Variants in RAB11FIP3 observed in about 807,000 individuals in gnomAD.
RAB11FIP3 encodes rab11 family-interacting protein 3.
RAB11FIP3 carries 17 observed loss-of-function variants against 77.8 expected under a neutral mutation model. The ratio of observed to expected loss-of-function variants is 0.22; its 90% CI spans 0.15 to 0.33. The LOEUF is 0.33. RAB11FIP3 is among the 10% of genes least tolerant of loss of function. The pLI is 1.00. For synonymous variants in RAB11FIP3, 437 were observed against 448.2 expected (o/e 0.98, Z 0.31); for missense variants, 1,005 against 1,011.2 (o/e 0.99, Z 0.08).
intron 3 of RAB11FIP3, among the ~76,000 whole-genome samples, chr16:475,661 AGGGCATCCAGCCGGCCAG>A (rs1003060129): frequency 2.6e-5 from 4 of 152,172 alleles, no homozygotes; most frequent in African/African-American, 9.7e-5. Flanking sequence ...TGGAACCCCC[AGGGCATCCAGCCGGCCAG>A]GGGCTCTGAG....
Position 520,996 on chromosome 16 carries a change from G to A in RAB11FIP3, c.*157G>A, listed in dbSNP as rs961836276. The A allele has an allele frequency of 1.4e-5, 9 of 659,600 alleles. 1 individual carries two copies. Among genetic ancestry groups the A allele is most frequent in the South Asian group, 7.2e-5 (4 of 55,230 alleles). The allele number at this position is 659,600 out of a possible 1,614,324, so 40.9% of individuals were successfully genotyped here. A position where few individuals can be genotyped will look rare whatever the true frequency, so the allele number is the denominator to read the frequency against. ...AGCTGAGCTGGGGCCGCCAAAGACCGGGGCTGCCAAAGGGGCAGAGGGTGG... is the reference window on the plus strand; with the variant it reads ...AGCTGAGCTGGGGCCGCCAAAGACCAGGGCTGCCAAAGGGGCAGAGGGTGG... On this transcript the variant is annotated 3_prime_UTR_variant, in exon 14 of 14. Coordinates refer to ENST00000262305, the MANE Select transcript of RAB11FIP3 (RefSeq NM_014700.4).
chr16:482,476 G>A, intron 3 of RAB11FIP3, 49 bp from the exon 4 acceptor site: 2 of 1,574,322 alleles, frequency 1.3e-6, no homozygotes, highest in African/African-American at 1.3e-5. Context: ...GGCGTTCGCA[G>A]TTCCCCTCCC....
Position 514,322 on chromosome 16 carries a change from C to T in RAB11FIP3, c.1640+3522C>T, listed in dbSNP as rs1381818303. The stretch of plus-strand genomic sequence containing the variant: ...CTTCCCCAGCCTGGCCTCTGCCCAT[C>T]TGGTGTACAGGAAGACCCTGGTCAG... On this transcript the variant is annotated intron_variant, in intron 9 of 13. Transcript: ENST00000262305. This position sits in a 1 kb window ranked among gnomAD's most constrained non-coding sequence, Gnocchi z 4.6. Among the ~76,000 whole-genome samples the T allele has an allele frequency of 6.6e-6, 1 of 151,802 alleles. No individual in the cohort carries two copies. The highest frequency in any genetic ancestry group is 1.9e-4 in the East Asian group (1 of 5,202).
chr16:478,661 T>G (rs1020646143), intron 3 of RAB11FIP3, among the ~76,000 whole-genome samples: 5 of 152,198 alleles, frequency 3.3e-5, no homozygotes. Flanking sequence ...TCATTAAGGT[T>G]GAAATTATAA....
At chr16:427,745 A>G (rs1399438611) in intron 1 of RAB11FIP3, among the ~76,000 whole-genome samples, 1 of 152,204 alleles carries the variant, frequency 6.6e-6, no homozygotes, top group Non-Finnish European at 1.5e-5. Flanking sequence ...TTAAGCCAAG[A>G]GGTCTGTAAG....
intron 5 of RAB11FIP3, among the ~76,000 whole-genome samples, chr16:492,192 G>A (rs1033927610): frequency 6.6e-6 from 1 of 152,178 alleles, no homozygotes. Context: ...CATTTCCAGG[G>A]CACTTAACTC....
intron 2 of RAB11FIP3, among the ~76,000 whole-genome samples, chr16:468,004 A>T (rs1367962427): frequency 2.2e-4 from 7 of 31,958 alleles, no homozygotes; most frequent in Admixed American, 4.4e-4. Flanking sequence ...GAGGAGGTGC[A>T]GGGGCGTTGG....
intron 1 of RAB11FIP3, among the ~76,000 whole-genome samples, chr16:454,977 G>T (rs2055475440): frequency 6.6e-6 from 1 of 151,158 alleles, no homozygotes; most frequent in African/African-American, 2.4e-5. Flanking sequence ...TTGAACCCGG[G>T]AGGTGGAGGT....
chr16:440,089 C>T (rs897742382), intron 1 of RAB11FIP3, among the ~76,000 whole-genome samples: 2 of 152,016 alleles, frequency 1.3e-5, no homozygotes, highest in Admixed American at 6.6e-5. Flanking sequence ...ATCCGCCCCC[C>T]CCATCGGCCT....
intron 1 of RAB11FIP3, among the ~76,000 whole-genome samples, chr16:448,369 C>T (rs1016834670): frequency 6.6e-6 from 1 of 151,616 alleles, no homozygotes; most frequent in Non-Finnish European, 1.5e-5. Flanking sequence ...TTTGGGAGGC[C>T]GAGGTGGGCA....
At chr16:494,041 C>G (rs372927879) in intron 5 of RAB11FIP3, among the ~76,000 whole-genome samples, 1 of 113,836 alleles carries the variant, frequency 8.8e-6, no homozygotes, top group South Asian at 3.3e-4. Context: ...GTAGCTGGGA[C>G]TACAGGCGCC....
chr16:482,870 C>T, intron 4 of RAB11FIP3, 134 bp downstream of exon 4: 1 of 948,516 alleles, frequency 1.1e-6, no homozygotes, highest in Non-Finnish European at 1.6e-6. Flanking sequence ...GGGCTTGGCC[C>T]TGCAGTAGCT....
At chr16:510,390 C>G (rs1307528987) in intron 8 of RAB11FIP3, 1 of 420,676 alleles carries the variant, frequency 2.4e-6, no homozygotes, top group Admixed American at 4.0e-5. Context: ...AGGCCACAAG[C>G]GGGCAGTGCC....
rs2031935470 is a variant in RAB11FIP3 at position 507,595 on chromosome 16, T to C, written c.1499+1968T>C. The stretch of plus-strand genomic sequence containing the variant: ...GTGGAGGTTTCATTTGAGTCTGGAG[T>C]ATGTTCATCTGTTTTCCGTGTGTGT... On this transcript the variant is annotated intron_variant, in intron 8 of 13. Transcript: ENST00000262305. This position sits in a 1 kb window ranked among gnomAD's most constrained non-coding sequence, Gnocchi z 4.6. Among the ~76,000 whole-genome samples, 1 of 152,140 alleles carries C rather than the reference T, an allele frequency of 6.6e-6. No individual in the cohort carries two copies. Among genetic ancestry groups the C allele is most frequent in the South Asian group, 2.1e-4 (1 of 4,826 alleles).
intron 3 of RAB11FIP3, among the ~76,000 whole-genome samples, chr16:479,393 A>G (rs936436460): frequency 2.6e-5 from 4 of 152,132 alleles, no homozygotes; most frequent in African/African-American, 7.2e-5. Flanking sequence ...CTCTATCTCA[A>G]AAAAAACACA....
intron 6 of RAB11FIP3, chr16:497,338 C>T (rs1012999825): frequency 6.1e-6 from 8 of 1,303,910 alleles, no homozygotes; most frequent in South Asian, 3.7e-5. Flanking sequence ...TGGCAACATA[C>T]ACTTTTATCT....
intron 6 of RAB11FIP3, among the ~76,000 whole-genome samples, chr16:500,464 C>T (rs1395223179): frequency 2.0e-5 from 3 of 151,958 alleles, no homozygotes; most frequent in African/African-American, 4.8e-5. Context: ...GCACAGATCA[C>T]GAGGTCAGGA....
At position 447,509 on chromosome 16, in the gene RAB11FIP3, C is replaced by T. The variant is rs189967657; in HGVS notation, c.715-13895C>T. 2.0e-3 allele frequency among the ~76,000 whole-genome samples: 307 copies of T among 151,824 alleles called. 2 individuals carry two copies. The highest frequency in any genetic ancestry group is 6.9e-3 in the African/African-American group (287 of 41,412). ...ATCCCAGCACTTTGGGAGGCCGAGGCGGTGGATCACGATGTCAGGAGATCG... is the reference window on the plus strand; with the variant it reads ...ATCCCAGCACTTTGGGAGGCCGAGGTGGTGGATCACGATGTCAGGAGATCG... On this transcript the variant is annotated intron_variant, in intron 1 of 13. Transcript: ENST00000262305.
At chr16:510,023 C>A (rs190683601) in intron 8 of RAB11FIP3, among the ~76,000 whole-genome samples, 2 of 152,228 alleles carry the variant, frequency 1.3e-5, no homozygotes, top group Non-Finnish European at 2.9e-5. Context: ...CACCTCCACG[C>A]CCCGTCCCGA....
Sources: gnomAD v4.1 joint callset for allele counts (sites outside exome capture counted in the v4.1 genomes callset) on GRCh38, gnomAD v4.1.1 for gene constraint, Gnocchi (gnomAD v3.1) non-coding constraint, MANE v1.5 for transcripts, NCBI Gene and HGNC (gene_info 2026-07-23, HGNC 2026-07-21) for gene names.